CFAP92: variants seen among roughly 807,000 people sequenced by gnomAD.
CFAP92 encodes uncharacterized protein CFAP92.
A neutral mutation model predicts 106.3 loss-of-function variants in CFAP92; 86 were observed. The ratio of observed to expected loss-of-function variants is 0.81; its 90% CI spans 0.68 to 0.97. CFAP92 has a LOEUF of 0.97. CFAP92 is among the 50% of genes least tolerant of loss of function. The probability of loss-of-function intolerance (pLI) is 0.00; values close to 1 mark genes in which losing one functional copy is unlikely to be tolerated. For missense variants in CFAP92, 1,204 were observed against 1,283.8 expected, an observed-to-expected ratio of 0.94 and a Z score of 0.95; for synonymous variants, 477 against 506.4, an observed-to-expected ratio of 0.94 and a Z score of 0.78.
chr3:128,922,786 G>T (rs1217938026), intron 12 of CFAP92, among the ~76,000 whole-genome samples: 5 of 152,218 alleles, frequency 3.3e-5, no homozygotes, highest in Non-Finnish European at 5.9e-5. Flanking sequence ...AATTTATGAG[G>T]TAGAGACTTA....
intron 9 of CFAP92, among the ~76,000 whole-genome samples, chr3:128,964,787 C>T (rs1238134225): frequency 1.5e-4 from 23 of 152,218 alleles, no homozygotes; most frequent in East Asian, 9.7e-4. Context: ...CAAGACCTCC[C>T]TTCAGCTTAA....
the CFAP92 span, among the ~76,000 whole-genome samples, chr3:129,011,663 G>C: frequency 3.9e-5 from 6 of 152,322 alleles, no homozygotes; most frequent in Middle Eastern, 0.014. Context: ...CAAGGAGGCA[G>C]AGGAGGAGGA....
At position 128,910,786 on chromosome 3, in the gene CFAP92, C is replaced by G. The variant is rs1176334775; in HGVS notation, c.3281-453G>C. 3 of 1,614,092 alleles carry G rather than the reference C, an allele frequency of 1.9e-6. No homozygotes were observed. Among genetic ancestry groups the G allele is most frequent in the Non-Finnish European group, 2.5e-6 (3 of 1,180,056 alleles). On this transcript the variant is annotated intron_variant, in intron 15 of 15. Coordinates refer to ENST00000645291, the MANE Select transcript of CFAP92 (RefSeq NM_001394090.1). ...CTGCGTGGAAGCTTACTTGCAGAAT[C>G]TCTTCAGCCTCTCTCAGCTGGACAA...
At chr3:128,968,340 C>G (rs1318585382) in intron 8 of CFAP92, 1 of 152,198 alleles carries the variant, frequency 6.6e-6, no homozygotes, top group Non-Finnish European at 1.5e-5. Flanking sequence ...CCAATATTTA[C>G]TAATAAGGTA....
chr3:128,931,689 G>A (rs984805266), intron 12 of CFAP92, among the ~76,000 whole-genome samples: 2 of 151,868 alleles, frequency 1.3e-5, no homozygotes, highest in Non-Finnish European at 2.9e-5. Context: ...ATAAATCCAA[G>A]AACTGATTCT....
intron 4 of CFAP92, among the ~76,000 whole-genome samples, chr3:128,979,972 A>ATATATATATATATATAT (rs59347397): frequency 6.9e-6 from 1 of 144,826 alleles, no homozygotes; most frequent in African/African-American, 2.5e-5. Context: ...ATATATATAT[A>ATATATATATATATATAT]AAAGAAAAAA....
At chr3:129,011,280 G>T in the CFAP92 span, among the ~76,000 whole-genome samples, 1 of 152,198 alleles carries the variant, frequency 6.6e-6, no homozygotes, top group South Asian at 2.1e-4. Flanking sequence ...ACAGGGTGTG[G>T]TGGCTCACGC....
At chr3:128,963,231 C>T (rs1942086595) in intron 9 of CFAP92, among the ~76,000 whole-genome samples, 1 of 152,200 alleles carries the variant, frequency 6.6e-6, no homozygotes, top group Non-Finnish European at 1.5e-5. Context: ...TCCTTTCCTT[C>T]CTAGGCATGC....
At chr3:128,981,331 T>C (rs1384779891) in intron 4 of CFAP92, among the ~76,000 whole-genome samples, 3 of 151,700 alleles carry the variant, frequency 2.0e-5, no homozygotes, top group Admixed American at 1.3e-4. Flanking sequence ...CCACCGCGCC[T>C]GGCCTTGTTT....
the CFAP92 span, among the ~76,000 whole-genome samples, chr3:129,025,999 A>C: frequency 6.6e-6 from 1 of 151,976 alleles, no homozygotes; most frequent in Admixed American, 6.6e-5. Flanking sequence ...TGCAGACCCC[A>C]CCTCTCCCGC....
chr3:128,958,124 C>G (rs1941590539), intron 9 of CFAP92, among the ~76,000 whole-genome samples: 1 of 152,210 alleles, frequency 6.6e-6, no homozygotes, highest in South Asian at 2.1e-4. Flanking sequence ...TTCAACTTGA[C>G]TACCTCTGCA....
chr3:128,971,582 C>A (rs1942798961), intron 7 of CFAP92, 149 bp from the exon 8 acceptor site: 1 of 673,232 alleles, frequency 1.5e-6, no homozygotes, highest in South Asian at 2.0e-5. Context: ...CTCTTCCCAG[C>A]AACCAGAAGT....
chr3:128,918,366 G>C lies in CFAP92; in HGVS notation c.2752-2095C>G, dbSNP rs1339208191. ...CACACGCCTGTAGTCCCAGCCACTT[G>C]GGAAGCTGAGGCAGGAGAATCGCTT... On this transcript the variant is annotated intron_variant, in intron 12 of 15. Coordinates refer to ENST00000645291, the MANE Select transcript of CFAP92 (RefSeq NM_001394090.1). Among the ~76,000 whole-genome samples the C allele has an allele frequency of 2.6e-5, 4 of 152,164 alleles. No homozygotes were observed. In the East Asian group the frequency reaches 7.7e-4, roughly 29 times the overall value.
upstream of CFAP92, among the ~76,000 whole-genome samples, chr3:128,994,513 C>T (rs1944406457): frequency 6.6e-6 from 1 of 150,562 alleles, no homozygotes; most frequent in Non-Finnish European, 1.5e-5. Context: ...AACCAGACCT[C>T]CCCACGATCC....
At chr3:128,949,778 C>T (rs1018060986) in intron 9 of CFAP92, among the ~76,000 whole-genome samples, 2 of 152,208 alleles carry the variant, frequency 1.3e-5, no homozygotes, top group African/African-American at 4.8e-5. Flanking sequence ...CCTCTGCCTC[C>T]CAGGCTCAAG....
rs561509911 is a variant in CFAP92 at position 128,985,070 on chromosome 3, G to A, written c.667+2546C>T. On this transcript the variant is annotated intron_variant, in intron 4 of 15. Coordinates refer to ENST00000645291, the MANE Select transcript of CFAP92 (RefSeq NM_001394090.1). Reference sequence around the variant, plus strand: ...CTAAATTGTTTTACAAAGTGAATTCGCACTGCTTTTTTAATGGGGAAAAAC... The same window carrying A: ...CTAAATTGTTTTACAAAGTGAATTCACACTGCTTTTTTAATGGGGAAAAAC... Among the ~76,000 whole-genome samples the A allele has an allele frequency of 2.2e-4, 34 of 152,232 alleles. No homozygotes were observed. The South Asian group carries it at 6.2e-3, about 28-fold the overall frequency.
upstream of CFAP92, among the ~76,000 whole-genome samples, chr3:128,994,858 G>T (rs999239116): frequency 1.3e-5 from 2 of 152,196 alleles, no homozygotes; most frequent in African/African-American, 4.8e-5. Context: ...GGGTGACTAG[G>T]CAGAGGCGGT....
intron 2 of CFAP92, 79 bp from the exon 3 acceptor site, chr3:128,988,997 T>G (rs1171127278): frequency 8.8e-7 from 1 of 1,138,994 alleles, no homozygotes; most frequent in East Asian, 2.5e-5. Flanking sequence ...CCCTGGAGCT[T>G]GATGTTGTGA....
At chr3:128,925,249 A>T (rs777677911) in intron 12 of CFAP92, among the ~76,000 whole-genome samples, 1 of 152,196 alleles carries the variant, frequency 6.6e-6, no homozygotes, top group Non-Finnish European at 1.5e-5. Flanking sequence ...CATTGGTTAG[A>T]GTCTCATAAG....
Sources: allele counts gnomAD v4.1 joint callset (sites outside exome capture counted in the v4.1 genomes callset), GRCh38; gene constraint gnomAD v4.1.1; transcripts MANE v1.5; gene names NCBI Gene and HGNC (gene_info 2026-07-23, HGNC 2026-07-21).